KLF13: variants seen among roughly 807,000 people sequenced by gnomAD.
The protein encoded by KLF13 is KLF transcription factor 13.
In KLF13, 8 loss-of-function variants were observed where a neutral mutation model predicts 16.7. That is an observed-to-expected ratio of 0.48 (90% CI 0.28 to 0.87). The LOEUF (loss-of-function observed/expected upper bound fraction) is 0.87. Among genes scored for constraint, KLF13 ranks in the 40% least tolerant of loss-of-function variants. KLF13 has a pLI of 0.10. For synonymous variants in KLF13, 245 were observed against 208.4 expected (o/e 1.18, Z -1.51); for missense variants, 447 against 452.2 (o/e 0.99, Z 0.10).
chr15:31,363,005 G>A (rs8031093), intron 1 of KLF13, among the ~76,000 whole-genome samples: 126,853 of 152,270 alleles, frequency 0.83, 52,959 homozygotes, highest in South Asian at 0.9. Context: ...AGCATATCCC[G>A]TTTTGTAGGT....
rs984737984 is a variant in KLF13, at chr15:31,423,370, G to A, written n.118-12000G>A. On this transcript the variant is annotated intron_variant and non_coding_transcript_variant, in intron 1 of 1. Transcript: ENST00000558225. ...ACTTGGGCCGGGTGCTGTGGCTCAC[G>A]TCTGTAATCCCAGCGCTTTGGGAGG... Among the ~76,000 whole-genome samples, 11 of 151,476 alleles carry A rather than the reference G, an allele frequency of 7.3e-5. 1 individual carries two copies. The South Asian group carries it at 8.3e-4, about 11-fold the overall frequency.
chr15:31,422,158 AAT>A (rs1491483635), intron 1 of KLF13, among the ~76,000 whole-genome samples: 1 of 152,000 alleles, frequency 6.6e-6, no homozygotes, highest in African/African-American at 2.4e-5. Context: ...AGAAAAAAGA[AAT>A]AGAGTGGTTC....
At chr15:31,382,767 A>G (rs2039742611), downstream of KLF13, among the ~76,000 whole-genome samples, 1 of 152,172 alleles carries the variant, frequency 6.6e-6, no homozygotes, top group Non-Finnish European at 1.5e-5. Context: ...TTTCCCCTGC[A>G]TAGCTGTGAC....
In KLF13 at chr15:31,351,061, T is replaced by C. The variant is rs116184675; in HGVS notation, c.578-20949T>C. 7.0e-3 allele frequency among the ~76,000 whole-genome samples: 1,069 copies of C among 152,308 alleles called. 16 individuals carry two copies. Among genetic ancestry groups the C allele is most frequent in the African/African-American group, 0.024 (992 of 41,562 alleles). On this transcript the variant is annotated intron_variant, in intron 1 of 1. Coordinates refer to ENST00000307145, the MANE Select transcript of KLF13 (RefSeq NM_015995.4). Reference sequence around the variant, plus strand: ...GACCCAAATCCACCATCCCTGGACCTGGCGCAGATTCTGAGTTGGGCCAAG... The same window carrying C: ...GACCCAAATCCACCATCCCTGGACCCGGCGCAGATTCTGAGTTGGGCCAAG...
intron 1 of KLF13, among the ~76,000 whole-genome samples, chr15:31,413,013 A>G (rs1315616282): frequency 6.6e-6 from 1 of 152,164 alleles, no homozygotes; most frequent in East Asian, 1.9e-4. Context: ...TCACAATTTG[A>G]TCGGATGTCT....
At position 31,377,603 on chromosome 15, in the gene KLF13, CAT is replaced by C. The variant is rs1261520157; in HGVS notation, c.*5305_*5306del. On this transcript the variant is annotated 3_prime_UTR_variant, in exon 2 of 2. Transcript: ENST00000307145. Reference sequence around the variant, plus strand: ...GGTCCAAGACCATTTCCATGGAGCTCATGTTTTTCTTTTCTGTAGGAACTTTT... The same window carrying C: ...GGTCCAAGACCATTTCCATGGAGCTCGTTTTTCTTTTCTGTAGGAACTTTT... The C allele has an allele frequency of 6.6e-6, 1 of 152,620 alleles. No homozygotes were observed. Among genetic ancestry groups the C allele is most frequent in the East Asian group, 1.9e-4 (1 of 5,196 alleles). The allele number at this position is 152,620 out of a possible 1,614,324, so 9.5% of individuals were successfully genotyped here.
intron 1 of KLF13, among the ~76,000 whole-genome samples, chr15:31,365,931 G>A (rs2039462168): frequency 6.6e-6 from 1 of 150,516 alleles, no homozygotes; most frequent in African/African-American, 2.5e-5. Context: ...GTCCCCGCCT[G>A]GGCCTGCGGC....
In KLF13 at chr15:31,344,108, A is replaced by T. The variant is rs528871865; in HGVS notation, c.577+16319A>T. ...CAACCCCCTGGGACAAACACCTGCC[A>T]ATACTTAGCAGCTACCTCCTGCTAG... is the stretch of plus-strand genomic sequence containing the variant. On this transcript the variant is annotated intron_variant, in intron 1 of 1. Coordinates refer to ENST00000307145, the MANE Select transcript of KLF13 (RefSeq NM_015995.4). 5.3e-5 allele frequency among the ~76,000 whole-genome samples: 8 copies of T among 152,224 alleles called. No homozygotes were observed. In the East Asian group the frequency reaches 1.4e-3, roughly 26 times the overall value.
chr15:31,401,014 T>A (rs2040028998), intron 2 of KLF13, among the ~76,000 whole-genome samples: 1 of 152,082 alleles, frequency 6.6e-6, no homozygotes, highest in Non-Finnish European at 1.5e-5. Context: ...AACAATTTTT[T>A]TTTTTTTGAG....
At chr15:31,330,294 T>C (rs1307405812) in intron 1 of KLF13, among the ~76,000 whole-genome samples, 1 of 152,150 alleles carries the variant, frequency 6.6e-6, no homozygotes, top group African/African-American at 2.4e-5. Flanking sequence ...AGTCAGTGAC[T>C]GAGGTCATGC....
At chr15:31,421,552 G>A (rs967366059) in intron 1 of KLF13, among the ~76,000 whole-genome samples, 7 of 152,062 alleles carry the variant, frequency 4.6e-5, no homozygotes, top group Admixed American at 4.6e-4. Flanking sequence ...TTGATATTAA[G>A]TTTTTGTCAG....
downstream of KLF13, among the ~76,000 whole-genome samples, chr15:31,379,907 T>C (rs1466069854): frequency 6.6e-6 from 1 of 152,156 alleles, no homozygotes; most frequent in African/African-American, 2.4e-5. Context: ...GGCTGCATAG[T>C]GACCCAGGTG....
intron 1 of KLF13, among the ~76,000 whole-genome samples, chr15:31,330,487 C>G (rs1211799008): frequency 6.6e-6 from 1 of 152,248 alleles, no homozygotes; most frequent in Non-Finnish European, 1.5e-5. Flanking sequence ...TTGGTGATGT[C>G]TGCCCTGACC....
At chr15:31,425,167 T>G (rs1002662239) in intron 1 of KLF13, among the ~76,000 whole-genome samples, 3 of 152,162 alleles carry the variant, frequency 2.0e-5, no homozygotes, top group African/African-American at 7.2e-5. Context: ...ATATTTCACA[T>G]TTATAGATTA....
chr15:31,416,515 A>T (rs528585106), intron 1 of KLF13, among the ~76,000 whole-genome samples: 2 of 152,318 alleles, frequency 1.3e-5, no homozygotes, highest in East Asian at 3.9e-4. Flanking sequence ...AATGTAATAC[A>T]TCACACAATA....
At chr15:31,394,546 G>A (rs1045606892) in intron 2 of KLF13, among the ~76,000 whole-genome samples, 1 of 151,918 alleles carries the variant, frequency 6.6e-6, no homozygotes, top group Admixed American at 6.6e-5. Context: ...GTGTGGGTGT[G>A]TATTTTATAT....
At chr15:31,410,527 G>C (rs1035070762) in intron 1 of KLF13, among the ~76,000 whole-genome samples, 1 of 151,084 alleles carries the variant, frequency 6.6e-6, no homozygotes, top group African/African-American at 2.4e-5. Flanking sequence ...AGATATAAAT[G>C]AGTTAAACTA....
At chr15:31,361,709 T>C (rs2039391801) in intron 1 of KLF13, among the ~76,000 whole-genome samples, 1 of 152,014 alleles carries the variant, frequency 6.6e-6, no homozygotes, top group Non-Finnish European at 1.5e-5. Context: ...GCACCTGGGG[T>C]GCAGAGCTGG....
At chr15:31,335,733 A>C (rs1034371718) in intron 1 of KLF13, among the ~76,000 whole-genome samples, 2 of 152,142 alleles carry the variant, frequency 1.3e-5, no homozygotes, top group Admixed American at 1.3e-4. Context: ...GAAGCACTGA[A>C]GCTTGATGTC....
Sources: gnomAD v4.1 joint callset for allele counts (sites outside exome capture counted in the v4.1 genomes callset) on GRCh38, gnomAD v4.1.1 for gene constraint, MANE v1.5 for transcripts, NCBI Gene and HGNC (gene_info 2026-07-23, HGNC 2026-07-21) for gene names.